DTNBP1: variants seen among roughly 807,000 people sequenced by gnomAD.
The protein encoded by DTNBP1 is dystrobrevin binding protein 1.
In DTNBP1, 35 loss-of-function variants were observed where a neutral mutation model predicts 42.8. That is an observed-to-expected ratio of 0.82 (90% CI 0.63 to 1.09). DTNBP1 has a LOEUF of 1.09. DTNBP1 is among the 50% of genes least tolerant of loss of function. The pLI is 0.00. For synonymous variants in DTNBP1, 171 were observed against 162.2 expected (o/e 1.05, Z -0.41); for missense variants, 457 against 424.2 (o/e 1.08, Z -0.68).
At chr6:15,559,508 G>A (rs964997757) in intron 7 of DTNBP1, among the ~76,000 whole-genome samples, 1 of 152,164 alleles carries the variant, frequency 6.6e-6, no homozygotes, top group African/African-American at 2.4e-5. Context: ...GCTAGACTGA[G>A]AAGAAGCTTC....
At chr6:15,586,775 G>T (rs1776096503) in intron 7 of DTNBP1, among the ~76,000 whole-genome samples, 1 of 152,152 alleles carries the variant, frequency 6.6e-6, no homozygotes, top group Non-Finnish European at 1.5e-5. Flanking sequence ...GCTGCTGAAA[G>T]TGTCCTCATT....
At chr6:15,643,655 T>C (rs1042988383) in intron 3 of DTNBP1, among the ~76,000 whole-genome samples, 2 of 151,918 alleles carry the variant, frequency 1.3e-5, no homozygotes, top group African/African-American at 4.8e-5. Context: ...AAAAAAAAAA[T>C]TGCTGGCCAA....
In DTNBP1 at chr6:15,579,592, G is replaced by A. The variant is rs756404271; in HGVS notation, c.511+13467C>T. 6.1e-4 allele frequency among the ~76,000 whole-genome samples: 93 copies of A among 152,326 alleles called. 1 individual carries two copies. Among genetic ancestry groups the A allele is most frequent in the South Asian group, 1.5e-3 (7 of 4,824 alleles). ...GGCCAAGGCGGGCAGATCATCTGAGGTTAGGAGTTTGAGACCAGCCTGGCC... is the reference window on the plus strand; with the variant it reads ...GGCCAAGGCGGGCAGATCATCTGAGATTAGGAGTTTGAGACCAGCCTGGCC... On this transcript the variant is annotated intron_variant, in intron 7 of 9. Coordinates refer to ENST00000344537, the MANE Select transcript of DTNBP1 (RefSeq NM_032122.5).
chr6:15,535,053 A>G (rs922308348), intron 7 of DTNBP1, among the ~76,000 whole-genome samples: 1 of 152,044 alleles, frequency 6.6e-6, no homozygotes, highest in African/African-American at 2.4e-5. Flanking sequence ...CCCAAATCTC[A>G]TATCGAATTG....
chr6:15,620,379 C>CGA (rs1322264494), intron 5 of DTNBP1, among the ~76,000 whole-genome samples: 10 of 151,988 alleles, frequency 6.6e-5, no homozygotes, highest in African/African-American at 2.4e-4. Context: ...TTTGTAGAGA[C>CGA]GAGACCTCAC....
At chr6:15,644,431 C>G (rs1383959039) in intron 3 of DTNBP1, among the ~76,000 whole-genome samples, 1 of 152,092 alleles carries the variant, frequency 6.6e-6, no homozygotes, top group Non-Finnish European at 1.5e-5. Context: ...ACCTAATGGA[C>G]CTAATGGACA....
chr6:15,638,064 A>C (rs564676335), intron 3 of DTNBP1, among the ~76,000 whole-genome samples: 1 of 152,334 alleles, frequency 6.6e-6, no homozygotes, highest in South Asian at 2.1e-4. Flanking sequence ...GGTGATGTAA[A>C]TAATTGAATA....
intron 3 of DTNBP1, among the ~76,000 whole-genome samples, chr6:15,645,431 C>A (rs1212968700): frequency 6.6e-6 from 1 of 151,968 alleles, no homozygotes; most frequent in Non-Finnish European, 1.5e-5. Context: ...TCCTTCACCT[C>A]ATTCTATGCA....
At chr6:15,540,192 G>T (rs888037466) in intron 7 of DTNBP1, among the ~76,000 whole-genome samples, 4 of 150,534 alleles carry the variant, frequency 2.7e-5, no homozygotes, top group South Asian at 2.1e-4. Context: ...GAGTGTACTC[G>T]TAAGAAAAAA....
In DTNBP1 at chr6:15,659,090, T is replaced by C. The variant is rs114791321; in HGVS notation, c.56+3724A>G. 8.6e-3 allele frequency among the ~76,000 whole-genome samples: 1,311 copies of C among 152,314 alleles called. 26 individuals are homozygous for C. The highest frequency in any genetic ancestry group is 0.03 in the African/African-American group (1,240 of 41,554). On this transcript the variant is annotated intron_variant, in intron 1 of 9. Coordinates refer to ENST00000344537, the MANE Select transcript of DTNBP1 (RefSeq NM_032122.5). Reference sequence around the variant, plus strand: ...CTACACTGCCCTTAAAGAACAATGGTCTTAAGCTGCACTTTTTCAAAGTTT... The same window carrying C: ...CTACACTGCCCTTAAAGAACAATGGCCTTAAGCTGCACTTTTTCAAAGTTT...
chr6:15,528,361 T>C (rs1772563597), intron 8 of DTNBP1, among the ~76,000 whole-genome samples: 2 of 150,294 alleles, frequency 1.3e-5, no homozygotes, highest in Non-Finnish European at 2.9e-5. Context: ...CTCTGCCCAC[T>C]AGATGCCAAT....
chr6:15,569,712 C>G (rs1775260650), intron 7 of DTNBP1, among the ~76,000 whole-genome samples: 1 of 152,174 alleles, frequency 6.6e-6, no homozygotes, highest in Non-Finnish European at 1.5e-5. Context: ...TTTTCTCACA[C>G]CTGCCAAGCT....
intron 7 of DTNBP1, among the ~76,000 whole-genome samples, chr6:15,574,167 G>A (rs934766880): frequency 4.6e-5 from 7 of 152,168 alleles, no homozygotes; most frequent in African/African-American, 1.7e-4. Context: ...AGAGTTACAA[G>A]GAGAAAATGC....
chr6:15,661,272 T>C (rs1054617169), intron 1 of DTNBP1, among the ~76,000 whole-genome samples: 4 of 151,606 alleles, frequency 2.6e-5, no homozygotes, highest in African/African-American at 9.7e-5. Flanking sequence ...GAGGATCTCT[T>C]GTACCCAGGA....
chr6:15,603,871 A>T (rs530122574), intron 6 of DTNBP1, among the ~76,000 whole-genome samples: 1 of 152,078 alleles, frequency 6.6e-6, no homozygotes, highest in Non-Finnish European at 1.5e-5. Flanking sequence ...ACCCTCTTGG[A>T]TATTTTTTTC....
intron 5 of DTNBP1, 131 bp downstream of exon 5, chr6:15,627,212 A>G: frequency 8.4e-7 from 1 of 1,193,634 alleles, no homozygotes; most frequent in Non-Finnish European, 1.2e-6. Flanking sequence ...AAAATATGAA[A>G]TCATGATTTT....
intron 7 of DTNBP1, among the ~76,000 whole-genome samples, chr6:15,553,965 G>A (rs1774366629): frequency 1.3e-5 from 2 of 152,118 alleles, no homozygotes; most frequent in South Asian, 4.1e-4. Flanking sequence ...CCTCATGTGA[G>A]AGACGCCAAC....
intron 4 of DTNBP1, among the ~76,000 whole-genome samples, 181 bp from the exon 5 acceptor site, chr6:15,627,656 T>C (rs549026941): frequency 7.2e-5 from 11 of 152,132 alleles, no homozygotes; most frequent in Non-Finnish European, 1.6e-4. Context: ...TAATATTCAG[T>C]GCAGGAAACC....
intron 7 of DTNBP1, among the ~76,000 whole-genome samples, chr6:15,552,179 A>T (rs1219037423): frequency 6.6e-6 from 1 of 152,218 alleles, no homozygotes; most frequent in Non-Finnish European, 1.5e-5. Flanking sequence ...TTCAATAAAA[A>T]GTGACGTTAC....
Sources: gnomAD v4.1 joint callset for allele counts (sites outside exome capture counted in the v4.1 genomes callset) on GRCh38, gnomAD v4.1.1 for gene constraint, MANE v1.5 for transcripts, NCBI Gene and HGNC (gene_info 2026-07-23, HGNC 2026-07-21) for gene names.